Variants in CLNK observed in about 807,000 individuals in gnomAD.
CLNK encodes the protein cytokine-dependent hematopoietic cell linker.
CLNK carries 74 observed loss-of-function variants against 68.6 expected under a neutral mutation model. The observed-to-expected ratio is 1.08, with a 90% CI of 0.89 to 1.31. The LOEUF (loss-of-function observed/expected upper bound fraction) is 1.31. CLNK is among the 50% of genes most tolerant of loss of function. The pLI is 0.00. For synonymous variants in CLNK, 198 were observed against 172.2 expected (o/e 1.15, Z -1.17); for missense variants, 553 against 515.3 (o/e 1.07, Z -0.71).
chr4:10,684,268 G>C (rs1725188763), intron 1 of CLNK, among the ~76,000 whole-genome samples: 1 of 152,122 alleles, frequency 6.6e-6, no homozygotes, highest in African/African-American at 2.4e-5. Flanking sequence ...GGCTCCAGGA[G>C]TTAACTTATA....
chr4:10,495,772 GAGA>G (rs1483998105), intron 18 of CLNK, among the ~76,000 whole-genome samples: 1 of 151,732 alleles, frequency 6.6e-6, no homozygotes, highest in African/African-American at 2.4e-5. Context: ...GAGAGAAGAG[GAGA>G]AGGTCACGTG....
At chr4:10,540,431 T>C (rs1321306255) in intron 11 of CLNK, 63 bp downstream of exon 11, 1 of 1,276,854 alleles carries the variant, frequency 7.8e-7, no homozygotes. Flanking sequence ...TGGTTTCCCT[T>C]GTCCCCCTCC....
Position 10,507,941 on chromosome 4 carries a change from C to A in CLNK, c.984+18G>T. On this transcript the variant is annotated intron_variant, in intron 17 of 18. Coordinates refer to ENST00000226951, the MANE Select transcript of CLNK (RefSeq NM_052964.4). ...TGCCTATAGAAACAATAATGATGGG[C>A]CACGTAGAAGGCATTACCTTGTTCT... is the stretch of plus-strand genomic sequence containing the variant. 6.3e-7 allele frequency: 1 copy of A among 1,579,136 alleles called. No individual in the cohort carries two copies. Among genetic ancestry groups the A allele is most frequent in the Non-Finnish European group, 8.6e-7 (1 of 1,157,260 alleles).
At chr4:10,558,359 T>C (rs1223456124) in intron 8 of CLNK, 48 bp downstream of exon 8, 1 of 1,531,048 alleles carries the variant, frequency 6.5e-7, no homozygotes, top group Admixed American at 1.7e-5. Flanking sequence ...AGAAGCAAAA[T>C]AGATGTTTTC....
At chr4:10,542,348 T>C (rs891785237) in intron 8 of CLNK, 68 bp from the exon 9 acceptor site, 6 of 1,009,994 alleles carry the variant, frequency 5.9e-6, no homozygotes, top group Middle Eastern at 2.1e-4. Flanking sequence ...TTATACACGC[T>C]TACATGAAAA....
chr4:10,730,158 G>A, the CLNK span, among the ~76,000 whole-genome samples: 1 of 152,118 alleles, frequency 6.6e-6, no homozygotes, highest in Non-Finnish European at 1.5e-5. Context: ...GCACCTACCT[G>A]GCAAGCTCAC....
chr4:10,680,017 A>G (rs1240576080), intron 1 of CLNK, among the ~76,000 whole-genome samples: 99 of 152,200 alleles, frequency 6.5e-4, no homozygotes, highest in African/African-American at 2.1e-3. Flanking sequence ...TCATTACTGG[A>G]TATATACCCA....
intron 16 of CLNK, among the ~76,000 whole-genome samples, chr4:10,512,475 C>G (rs1420949409): frequency 6.6e-6 from 1 of 152,060 alleles, no homozygotes; most frequent in Non-Finnish European, 1.5e-5. Context: ...AGGTGACCTA[C>G]CCACCTTGGC....
chr4:10,589,186 C>A (rs969028343), intron 3 of CLNK, among the ~76,000 whole-genome samples: 9 of 152,242 alleles, frequency 5.9e-5, no homozygotes, highest in Non-Finnish European at 1.2e-4. Context: ...AGACTTAGGC[C>A]GTTAGGCATT....
intron 1 of CLNK, among the ~76,000 whole-genome samples, chr4:10,672,189 G>A (rs938324849): frequency 1.1e-4 from 16 of 152,174 alleles, no homozygotes; most frequent in African/African-American, 3.6e-4. Flanking sequence ...AGGGAACTGC[G>A]CACTATGGGA....
At chr4:10,626,952 G>A (rs562222928) in intron 2 of CLNK, among the ~76,000 whole-genome samples, 2 of 152,240 alleles carry the variant, frequency 1.3e-5, no homozygotes, top group African/African-American at 2.4e-5. Context: ...TTTGTGCCAC[G>A]TTTCATCCAT....
At chr4:10,574,524 A>C (rs1720478105) in intron 4 of CLNK, among the ~76,000 whole-genome samples, 1 of 152,038 alleles carries the variant, frequency 6.6e-6, no homozygotes, top group Non-Finnish European at 1.5e-5. Context: ...AGAACATTTC[A>C]GGTCAGTTTA....
At chr4:10,572,519 T>C (rs1005775829) in intron 4 of CLNK, among the ~76,000 whole-genome samples, 46 of 152,246 alleles carry the variant, frequency 3.0e-4, no homozygotes, top group Non-Finnish European at 2.4e-4. Context: ...CTAAATTGTA[T>C]TGTAGTTTCC....
Position 10,597,985 on chromosome 4 carries a change from T to C in CLNK, c.76A>G (p.Lys26Glu), listed in dbSNP as rs1194180465. The C allele has an allele frequency of 1.9e-6, 3 of 1,579,598 alleles. No individual in the cohort carries two copies. Among genetic ancestry groups the C allele is most frequent in the South Asian group, 1.2e-5 (1 of 86,326 alleles). The part of the protein sequence containing the change: ...DLKFQNFSLP[K>E]NRSWPRINSA... ...ACAAGTAAATATTCTGACCTGTTTT[T>C]TGGCAGACTGAAGTTCTGGAATTTC... The change falls in exon 3 of 19, where the codon AAA becomes GAA. Residue 26 changes from lysine to glutamate, a missense_variant. Transcript: ENST00000226951.
chr4:10,601,181 G>T (rs376250443), intron 2 of CLNK, among the ~76,000 whole-genome samples: 1 of 152,178 alleles, frequency 6.6e-6, no homozygotes, highest in African/African-American at 2.4e-5. Context: ...CTAGTTGGGG[G>T]TAGAACCAGG....
intron 15 of CLNK, among the ~76,000 whole-genome samples, chr4:10,518,846 C>G (rs1717944306): frequency 6.6e-6 from 1 of 152,182 alleles, no homozygotes; most frequent in Admixed American, 6.5e-5. Flanking sequence ...GAGAGCTCAT[C>G]AGACTTATAA....
chr4:10,536,876 C>T (rs1025401364), intron 11 of CLNK, among the ~76,000 whole-genome samples: 1 of 151,848 alleles, frequency 6.6e-6, no homozygotes, highest in African/African-American at 2.4e-5. Context: ...CCCAATAGAC[C>T]TGTGTGGTTT....
At chr4:10,543,565 C>T (rs1477031518) in intron 8 of CLNK, among the ~76,000 whole-genome samples, 1 of 152,134 alleles carries the variant, frequency 6.6e-6, no homozygotes, top group African/African-American at 2.4e-5. Context: ...GTTCACCACC[C>T]CATGTCATTA....
At position 10,544,016 on chromosome 4, in the gene CLNK, A is replaced by T. The variant is rs1279649026; in HGVS notation, c.446-1736T>A. 2.0e-5 allele frequency among the ~76,000 whole-genome samples: 3 copies of T among 152,134 alleles called. No individual in the cohort carries two copies. In the East Asian group the frequency reaches 5.8e-4, roughly 29 times the overall value. On this transcript the variant is annotated intron_variant, in intron 8 of 18. Transcript: ENST00000226951. ...GACAAAATTATAAAACATAAAATTA[A>T]TTTCCTTTCATCTTATTGTTTATTG...
Sources: allele counts gnomAD v4.1 joint callset (sites outside exome capture counted in the v4.1 genomes callset), GRCh38; gene constraint gnomAD v4.1.1; transcripts MANE v1.5; gene names NCBI Gene and HGNC (gene_info 2026-07-23, HGNC 2026-07-21).